NCAM1: variants seen among roughly 807,000 people sequenced by gnomAD.
NCAM1 encodes the protein antigen recognized by monoclonal antibody 5.1H11.
A neutral mutation model predicts 109.8 loss-of-function variants in NCAM1; 14 were observed. The observed-to-expected ratio is 0.13, with a 90% CI of 0.08 to 0.20. The LOEUF (loss-of-function observed/expected upper bound fraction) is 0.20, where lower values mean the gene tolerates loss of function less well. Among genes scored for constraint, NCAM1 ranks in the 10% least tolerant of loss-of-function variants. The pLI, the probability that NCAM1 is intolerant of heterozygous loss-of-function variation, is 1.00. For synonymous variants in NCAM1, 418 were observed against 442.9 expected, an observed-to-expected ratio of 0.94 and a Z score of 0.70; for missense variants, 774 against 1,109.9, an observed-to-expected ratio of 0.70 and a Z score of 4.30.
At chr11:113,063,629 G>T (rs1339820156) in intron 1 of NCAM1, among the ~76,000 whole-genome samples, 1 of 152,142 alleles carries the variant, frequency 6.6e-6, no homozygotes, top group African/African-American at 2.4e-5. Context: ...ACATTACTTG[G>T]ATGGGGTTCA....
chr11:112,977,520 A>G (rs1555067894), intron 1 of NCAM1: 1 of 151,848 alleles, frequency 6.6e-6, no homozygotes, highest in Non-Finnish European at 1.5e-5. Flanking sequence ...ATGAAGTGCA[A>G]TTTCTTAATA....
intron 1 of NCAM1, among the ~76,000 whole-genome samples, chr11:113,052,797 A>C (rs1028485613): frequency 6.6e-6 from 1 of 152,100 alleles, no homozygotes; most frequent in Non-Finnish European, 1.5e-5. Context: ...CTCATCGCCT[A>C]GGTATTAAGC....
chr11:112,972,691 G>A (rs1950914044), intron 1 of NCAM1, among the ~76,000 whole-genome samples: 1 of 152,100 alleles, frequency 6.6e-6, no homozygotes, highest in African/African-American at 2.4e-5. Flanking sequence ...TACTAAGGGT[G>A]GTTAAAAGTA....
At chr11:113,116,736 G>T (rs1358483104) in intron 1 of NCAM1, among the ~76,000 whole-genome samples, 1 of 150,282 alleles carries the variant, frequency 6.7e-6, no homozygotes, top group Non-Finnish European at 1.5e-5. Flanking sequence ...TTTCTGCGTG[G>T]AACCCATTGG....
intron 7 of NCAM1, among the ~76,000 whole-genome samples, chr11:113,209,066 A>G (rs570827648): frequency 6.6e-6 from 1 of 152,356 alleles, no homozygotes; most frequent in East Asian, 1.9e-4. Flanking sequence ...AGAAACGTTT[A>G]ACCTAATGGC....
At chr11:113,120,391 A>G (rs1475872007) in intron 1 of NCAM1, among the ~76,000 whole-genome samples, 2 of 152,142 alleles carry the variant, frequency 1.3e-5, no homozygotes, top group East Asian at 1.9e-4. Flanking sequence ...ACCACCATCT[A>G]TATCCCTCTA....
intron 1 of NCAM1, among the ~76,000 whole-genome samples, chr11:113,020,607 A>G (rs1238300623): frequency 3.3e-5 from 5 of 152,212 alleles, no homozygotes; most frequent in Non-Finnish European, 7.3e-5. Flanking sequence ...GCTATCTCAG[A>G]GCACAACATA....
intron 1 of NCAM1, chr11:113,133,458 T>C (rs782789259): frequency 7.9e-5 from 12 of 152,240 alleles, no homozygotes; most frequent in Non-Finnish European, 1.3e-4. Context: ...GGTAAGGAAC[T>C]GCAAACCGTA....
intron 1 of NCAM1, among the ~76,000 whole-genome samples, chr11:113,110,515 C>T (rs1940398143): frequency 1.3e-5 from 2 of 152,086 alleles, no homozygotes. Context: ...GGGTTTGGGT[C>T]ATTCATATAG....
At chr11:113,142,990 A>G (rs1405178056) in intron 1 of NCAM1, among the ~76,000 whole-genome samples, 3 of 152,198 alleles carry the variant, frequency 2.0e-5, no homozygotes, top group South Asian at 2.1e-4. Context: ...AGGGATGCAG[A>G]CATCATGACA....
intron 1 of NCAM1, among the ~76,000 whole-genome samples, chr11:113,154,654 C>T (rs1385607323): frequency 6.6e-6 from 1 of 152,152 alleles, no homozygotes; most frequent in African/African-American, 2.4e-5. Context: ...CACACATGAA[C>T]ACATAGAGTT....
intron 1 of NCAM1, among the ~76,000 whole-genome samples, chr11:113,180,025 A>T (rs370154300): frequency 6.6e-6 from 1 of 152,106 alleles, no homozygotes; most frequent in East Asian, 1.9e-4. Flanking sequence ...ACAGAACAAG[A>T]CCCCAGATTC....
intron 1 of NCAM1, among the ~76,000 whole-genome samples, chr11:113,186,478 C>T (rs1216100001): frequency 6.6e-6 from 1 of 152,168 alleles, no homozygotes; most frequent in Non-Finnish European, 1.5e-5. Context: ...TAATGCATTA[C>T]ATTATAACAC....
chr11:113,173,941 T>C (rs1482566230), intron 1 of NCAM1, among the ~76,000 whole-genome samples: 1 of 151,806 alleles, frequency 6.6e-6, no homozygotes, highest in Non-Finnish European at 1.5e-5. Flanking sequence ...CTGTTCCAAA[T>C]CATCCCTTAG....
chr11:113,152,480 G>GT (rs1302739845), intron 1 of NCAM1, among the ~76,000 whole-genome samples: 2 of 152,228 alleles, frequency 1.3e-5, no homozygotes, highest in Admixed American at 6.5e-5. Context: ...TTAAAAATGC[G>GT]TATTTCCAAC....
At chr11:113,194,952 C>G (rs1479470172) in intron 1 of NCAM1, among the ~76,000 whole-genome samples, 1 of 152,140 alleles carries the variant, frequency 6.6e-6, no homozygotes, top group Non-Finnish European at 1.5e-5. Context: ...TAAGAGGACC[C>G]CAACTACGCT....
At chr11:113,029,505 T>C (rs1952652995) in intron 1 of NCAM1, among the ~76,000 whole-genome samples, 1 of 152,120 alleles carries the variant, frequency 6.6e-6, no homozygotes, top group South Asian at 2.1e-4. Flanking sequence ...AATATGAAGG[T>C]GATTTTAGAA....
intron 1 of NCAM1, among the ~76,000 whole-genome samples, chr11:113,051,202 T>C (rs1555081752): frequency 2.6e-5 from 4 of 152,256 alleles, no homozygotes; most frequent in Admixed American, 2.0e-4. Flanking sequence ...ACTGCTACTA[T>C]AGAGGGTCTT....
chr11:113,088,506 G>A lies in NCAM1; in HGVS notation c.53-113873G>A, dbSNP rs150917229. On this transcript the variant is annotated intron_variant, in intron 1 of 19. Transcript: ENST00000316851. ...AACTGACTGACCATGTATCCCCGCT[G>A]CCCCTGCCCCACTCAACCATTTGAT... is the stretch of plus-strand genomic sequence containing the variant. 6.5e-4 allele frequency among the ~76,000 whole-genome samples: 97 copies of A among 149,722 alleles called. 1 individual carries two copies. In the East Asian group the frequency reaches 0.013, roughly 20 times the overall value.
Sources: gnomAD v4.1 joint callset for allele counts (sites outside exome capture counted in the v4.1 genomes callset) on GRCh38, gnomAD v4.1.1 for gene constraint, MANE v1.5 for transcripts, NCBI Gene and HGNC (gene_info 2026-07-23, HGNC 2026-07-21) for gene names.